The following ZNF333 variants were observed in gnomAD, a reference collection of about 807,000 sequenced individuals.
The protein encoded by ZNF333 is zinc finger protein 333.
In ZNF333, 61 loss-of-function variants were observed where a neutral mutation model predicts 76.1. That is an observed-to-expected ratio of 0.80 (90% CI 0.65 to 0.99). The LOEUF is 0.99. ZNF333 is among the 50% of genes least tolerant of loss of function. The pLI is 0.00. For synonymous variants in ZNF333, 284 were observed against 305.0 expected, an observed-to-expected ratio of 0.93 and a Z score of 0.72; for missense variants, 717 against 822.4, an observed-to-expected ratio of 0.87 and a Z score of 1.57.
At chr19:14,711,289 C>G (rs1398457457) in intron 7 of ZNF333, among the ~76,000 whole-genome samples, 1 of 152,182 alleles carries the variant, frequency 6.6e-6, no homozygotes, top group African/African-American at 2.4e-5. Flanking sequence ...TTCCTGAAAT[C>G]CAAGTTCCCA....
intron 7 of ZNF333, 32 bp from the exon 8 acceptor site, chr19:14,715,350 C>T (rs1340478849): frequency 6.2e-7 from 1 of 1,604,846 alleles, no homozygotes; most frequent in South Asian, 1.1e-5. Context: ...AGGCCAGGCA[C>T]CAACCCTCAT....
intron 7 of ZNF333, 123 bp from the exon 8 acceptor site, chr19:14,715,259 G>A: frequency 1.4e-6 from 1 of 739,542 alleles, no homozygotes; most frequent in South Asian, 1.7e-5. Context: ...GTGTCCCTGT[G>A]AGTGTGTGCA....
chr19:14,722,831 G>A (rs2042606052), downstream of ZNF333, among the ~76,000 whole-genome samples: 1 of 152,188 alleles, frequency 6.6e-6, no homozygotes, highest in Admixed American at 6.5e-5. Context: ...TGTTGCCCAG[G>A]CTGGAGTGCA....
At chr19:14,723,956 G>A (rs925062315), downstream of ZNF333, among the ~76,000 whole-genome samples, 4 of 152,178 alleles carry the variant, frequency 2.6e-5, no homozygotes, top group African/African-American at 9.7e-5. Context: ...GACATTCAAG[G>A]TGACAGATCA....
chr19:14,713,578 C>G (rs940747452), intron 7 of ZNF333, among the ~76,000 whole-genome samples: 5 of 152,096 alleles, frequency 3.3e-5, no homozygotes, highest in African/African-American at 1.2e-4. Context: ...CCTGTGGACG[C>G]CAGCAACATG....
chr19:14,695,191 G>T, intron 3 of ZNF333, 58 bp downstream of exon 3: 2 of 1,583,880 alleles, frequency 1.3e-6, no homozygotes, highest in Non-Finnish European at 1.7e-6. Context: ...CTTCTTAAGC[G>T]CCTGCCATGT....
chr19:14,717,489 T>C (rs1302505395), intron 10 of ZNF333, 168 bp from the exon 11 acceptor site: 4 of 608,054 alleles, frequency 6.6e-6, no homozygotes, highest in Non-Finnish European at 1.2e-5. Flanking sequence ...CACCTTAAAA[T>C]TTTCCTTAAC....
chr19:14,709,355 T>G (rs987706239), intron 7 of ZNF333: 1 of 152,248 alleles, frequency 6.6e-6, no homozygotes, highest in Non-Finnish European at 1.5e-5. Flanking sequence ...GACATCATTT[T>G]AATTTAATTA....
At chr19:14,715,153 G>T (rs150893875) in intron 7 of ZNF333, 22 of 502,212 alleles carry the variant, frequency 4.4e-5, no homozygotes, top group African/African-American at 3.7e-4. Context: ...ATATGTGTGC[G>T]TGTTTGTGTG....
At chr19:14,715,971 C>A (rs2042417433) in intron 8 of ZNF333, 141 bp from the exon 9 acceptor site, 2 of 1,388,640 alleles carry the variant, frequency 1.4e-6, no homozygotes, top group African/African-American at 1.4e-5. Context: ...GAGCTAAGGG[C>A]CAGATTCTGC....
intron 1 of ZNF333, among the ~76,000 whole-genome samples, chr19:14,691,821 C>T (rs1400284977): frequency 6.6e-6 from 1 of 151,758 alleles, no homozygotes; most frequent in African/African-American, 2.4e-5. Context: ...TGATTATAGG[C>T]GCCCGCCACC....
intron 7 of ZNF333, among the ~76,000 whole-genome samples, chr19:14,713,885 C>T (rs1174134486): frequency 2.0e-5 from 3 of 152,132 alleles, no homozygotes; most frequent in African/African-American, 7.2e-5. Context: ...CACTTGGGCC[C>T]AGGAGTTTGA....
Position 14,718,231 on chromosome 19 carries a change from C to G in ZNF333, c.904C>G (p.Gln302Glu), listed in dbSNP as rs143761607. 31 of 1,603,696 alleles carry G rather than the reference C, an allele frequency of 1.9e-5. No homozygotes were observed. The highest frequency in any genetic ancestry group is 6.8e-5 in the Admixed American group (4 of 58,400). ...EILSIDVKGE[Q>E]PQPGEKLYKY... is the part of the protein sequence containing the mutation. Reference sequence around the variant, plus strand: ...TCACATTTTCCTTCATCGACAGGAGCAACCTCAGCCTGGAGAAAAACTCTA... The same window carrying G: ...TCACATTTTCCTTCATCGACAGGAGGAACCTCAGCCTGGAGAAAAACTCTA... Residue 302 changes from glutamine (Q) to glutamate (E), a missense_variant, in exon 12 of 12, where the codon CAA (glutamine) becomes GAA (glutamate). Physicochemically the swap from Gln to Glu is conservative, Grantham distance 29. Coordinates refer to ENST00000292530, the MANE Select transcript of ZNF333 (RefSeq NM_032433.4).
intron 7 of ZNF333, among the ~76,000 whole-genome samples, chr19:14,709,874 C>CA (rs1341233392): frequency 1.3e-5 from 2 of 152,240 alleles, no homozygotes. Flanking sequence ...GACAGCTCGA[C>CA]AGCTCAACAC....
chr19:14,717,192 G>A, intron 10 of ZNF333, 103 bp downstream of exon 10: 2 of 923,270 alleles, frequency 2.2e-6, no homozygotes, highest in Non-Finnish European at 3.2e-6. Context: ...CTTTGACTGA[G>A]AAGCCTGTTT....
intron 11 of ZNF333, among the ~76,000 whole-genome samples, chr19:14,728,270 A>G (rs983191434): frequency 6.6e-6 from 1 of 152,242 alleles, no homozygotes; most frequent in African/African-American, 2.4e-5. Context: ...GAGACTTGGT[A>G]AAGGCATGAG....
chr19:14,716,947 G>C, intron 9 of ZNF333, 47 bp from the exon 10 acceptor site: 1 of 1,546,458 alleles, frequency 6.5e-7, no homozygotes, highest in East Asian at 2.3e-5. Context: ...CTGGTGTCAG[G>C]GCATGGCACA....
At chr19:14,723,123 A>G (rs951202913), downstream of ZNF333, among the ~76,000 whole-genome samples, 1 of 152,180 alleles carries the variant, frequency 6.6e-6, no homozygotes, top group African/African-American at 2.4e-5. Flanking sequence ...AAAGAGTCCA[A>G]CTTCATTCTT....
At chr19:14,697,469 C>T (rs1372243003) in intron 4 of ZNF333, among the ~76,000 whole-genome samples, 4 of 150,380 alleles carry the variant, frequency 2.7e-5, no homozygotes, top group South Asian at 2.1e-4. Context: ...TCAAGCAATC[C>T]TCCCACCTCA....
Sources: gnomAD v4.1 joint callset for allele counts (sites outside exome capture counted in the v4.1 genomes callset) on GRCh38, gnomAD v4.1.1 for gene constraint, MANE v1.5 for transcripts, NCBI Gene and HGNC (gene_info 2026-07-23, HGNC 2026-07-21) for gene names.